Variants in NMNAT2 observed in about 807,000 individuals in gnomAD.
NMNAT2 encodes nicotinamide/nicotinic acid mononucleotide adenylyltransferase 2.
Under a neutral mutation model 41.6 loss-of-function variants are expected in NMNAT2, and 11 were observed. The observed-to-expected ratio is 0.26, with a 90% confidence interval of 0.17 to 0.44. The LOEUF is 0.44. Ranked by LOEUF, NMNAT2 falls within the 20% of genes least tolerant of loss-of-function variation. The probability of loss-of-function intolerance (pLI) is 1.00; values close to 1 mark genes in which losing one functional copy is unlikely to be tolerated. For missense variants in NMNAT2, 288 were observed against 407.7 expected, an observed-to-expected ratio of 0.71 and a Z score of 2.53; for synonymous variants, 148 against 151.2, an observed-to-expected ratio of 0.98 and a Z score of 0.16.
intron 1 of NMNAT2, among the ~76,000 whole-genome samples, chr1:183,319,940 C>T (rs74132315): frequency 0.014 from 2,085 of 152,326 alleles, 38 homozygotes; most frequent in African/African-American, 0.047. Context: ...TTATTCACCA[C>T]TATTAACAGC....
At chr1:183,313,245 T>C (rs1211896186) in intron 1 of NMNAT2, among the ~76,000 whole-genome samples, 2 of 152,150 alleles carry the variant, frequency 1.3e-5, no homozygotes, top group African/African-American at 2.4e-5. Flanking sequence ...AGGACAAACC[T>C]GAAGAATCCA....
chr1:183,349,128 T>A (rs779556801), intron 1 of NMNAT2, among the ~76,000 whole-genome samples: 18 of 152,246 alleles, frequency 1.2e-4, no homozygotes, highest in Non-Finnish European at 2.5e-4. Context: ...TTTCTGGTAT[T>A]CAGAAATAGC....
At chr1:183,275,833 C>T (rs539805726) in intron 8 of NMNAT2, among the ~76,000 whole-genome samples, 41 of 152,200 alleles carry the variant, frequency 2.7e-4, no homozygotes, top group Admixed American at 2.0e-3. Context: ...CCACCACGCC[C>T]AGCTAATTTT....
At chr1:183,270,177 C>T (rs1660948289) in intron 8 of NMNAT2, among the ~76,000 whole-genome samples, 1 of 152,150 alleles carries the variant, frequency 6.6e-6, no homozygotes, top group African/African-American at 2.4e-5. Flanking sequence ...AGCCACTGCA[C>T]CTGGCCTTGA....
chr1:183,287,462 A>T (rs532123771), intron 4 of NMNAT2, among the ~76,000 whole-genome samples: 1 of 152,286 alleles, frequency 6.6e-6, no homozygotes, highest in East Asian at 1.9e-4. Context: ...TCGCCTGCTC[A>T]GTGTGAATAC....
chr1:183,347,819 C>A (rs979379894), intron 1 of NMNAT2, among the ~76,000 whole-genome samples: 1 of 152,146 alleles, frequency 6.6e-6, no homozygotes, highest in Non-Finnish European at 1.5e-5. Context: ...TGTTAGATGG[C>A]CCCTAGTCAT....
intron 1 of NMNAT2, among the ~76,000 whole-genome samples, chr1:183,400,071 G>A (rs1648767042): frequency 6.6e-6 from 1 of 152,158 alleles, no homozygotes; most frequent in Non-Finnish European, 1.5e-5. Flanking sequence ...AGGGCAATCA[G>A]GGAGGAGAAA....
intron 1 of NMNAT2, among the ~76,000 whole-genome samples, chr1:183,381,377 G>T (rs1663800948): frequency 6.6e-6 from 1 of 152,092 alleles, no homozygotes; most frequent in Non-Finnish European, 1.5e-5. Context: ...CAATAATAAT[G>T]GGTACTATTT....
At chr1:183,328,209 G>A (rs556117705) in intron 1 of NMNAT2, among the ~76,000 whole-genome samples, 30 of 152,086 alleles carry the variant, frequency 2.0e-4, no homozygotes, top group East Asian at 7.8e-4. Context: ...ATCAGATGCC[G>A]CAGGCCAGGA....
chr1:183,389,854 GAAAGAAAGAAAGAAA>G lies in NMNAT2; in HGVS notation c.85+28314_85+28328del, dbSNP rs1557897865. Among the ~76,000 whole-genome samples, 125 of 64,338 alleles carry G rather than the reference GAAAGAAAGAAAGAAA, an allele frequency of 1.9e-3. 28 individuals carry two copies. Among genetic ancestry groups the G allele is most frequent in the East Asian group, 0.01 (12 of 1,172 alleles). 42.2% of individuals were successfully genotyped at this position (64,338 alleles called of 152,430 possible). ...AAAGAAAGAAAGAAAGGAAAAAAGA[GAAAGAAAGAAAGAAA>G]GAAGGGAGGGAGGGAGGGAGGGAGG... On this transcript the variant is annotated intron_variant, in intron 1 of 10. Transcript: ENST00000287713.
intron 1 of NMNAT2, among the ~76,000 whole-genome samples, chr1:183,329,957 C>T (rs1276597107): frequency 2.6e-5 from 4 of 152,216 alleles, no homozygotes; most frequent in Non-Finnish European, 5.9e-5. Flanking sequence ...CAGTTCTGTG[C>T]TCCACTCACT....
In NMNAT2 at chr1:183,341,742, A is replaced by AAAT. The variant is rs57061801; in HGVS notation, c.86-47950_86-47949insATT. ...ACAAACACCAAAAAAAAAAAAAAAA[A>AAAT]AAAAACCTGTTTCCTTCACTCCAGG... is the stretch of plus-strand genomic sequence containing the variant. On this transcript the variant is annotated intron_variant, in intron 1 of 10. Coordinates refer to ENST00000287713, the MANE Select transcript of NMNAT2 (RefSeq NM_015039.4). Among the ~76,000 whole-genome samples the AAAT allele has an allele frequency of 2.8e-4, 38 of 137,216 alleles. 2 individuals carry two copies. The highest frequency in any genetic ancestry group is 1.1e-3 in the African/African-American group (38 of 33,494). 90.0% of individuals were successfully genotyped at this position (137,216 alleles called of 152,430 possible). A position where few individuals can be genotyped will look rare whatever the true frequency, so the allele number is the denominator to read the frequency against.
intron 1 of NMNAT2, among the ~76,000 whole-genome samples, chr1:183,410,612 C>G (rs983792025): frequency 1.3e-5 from 2 of 152,094 alleles, no homozygotes; most frequent in Admixed American, 1.3e-4. Flanking sequence ...TTTTCTGGCT[C>G]TCTCATCTGT....
rs144335468 is a variant in NMNAT2, at chr1:183,356,591, C to A, written c.85+61592G>T. Among the ~76,000 whole-genome samples the A allele has an allele frequency of 3.9e-5, 6 of 152,330 alleles. No individual in the cohort carries two copies. In the East Asian group the frequency reaches 1.2e-3, roughly 29 times the overall value. ...GACCTGACTTCCATTAGAACACGGA[C>A]CCCTGTGGATCCTAGTAACGTCATG... On this transcript the variant is annotated intron_variant, in intron 1 of 10. Transcript: ENST00000287713.
chr1:183,342,041 T>A (rs963694919), intron 1 of NMNAT2, among the ~76,000 whole-genome samples: 4 of 132,498 alleles, frequency 3.0e-5, no homozygotes, highest in African/African-American at 8.0e-5. Flanking sequence ...TTTTTTTTTT[T>A]ACCAACCCTT....
intron 1 of NMNAT2, among the ~76,000 whole-genome samples, chr1:183,320,077 T>TA (rs1662327788): frequency 6.6e-6 from 1 of 152,158 alleles, no homozygotes. Flanking sequence ...CTCTAAAAAT[T>TA]AACTCTGAGT....
In NMNAT2 at chr1:183,286,671, G is replaced by T; in HGVS notation, c.439C>A (p.Pro147Thr). The T allele has an allele frequency of 1.2e-6, 2 of 1,609,558 alleles. No homozygotes were observed. The highest frequency in any genetic ancestry group is 1.7e-6 in the Non-Finnish European group (2 of 1,177,902). Residue 147 changes from proline to threonine, a missense_variant, in exon 5 of 11, where the codon CCC becomes ACC. By Grantham distance (38) the Pro-to-Thr change is conservative (BLOSUM62 -1). Coordinates refer to ENST00000287713, the MANE Select transcript of NMNAT2 (RefSeq NM_015039.4). The stretch of plus-strand genomic sequence containing the variant: ...ATCAGTGTTCCCCTACCTGCAGTGG[G>T]CTTGGTGGCCACGTTGCTGTTCTGG... ...IYQNSNVATK[P>T]TAAKILGKVG...
chr1:183,292,895 C>T (rs758856391), intron 2 of NMNAT2, 38 bp from the exon 3 acceptor site: 13 of 1,598,138 alleles, frequency 8.1e-6, no homozygotes, highest in South Asian at 6.6e-5. Context: ...AGACTCCCTC[C>T]GTTCCCCACA....
intron 1 of NMNAT2, among the ~76,000 whole-genome samples, chr1:183,344,450 T>C (rs1662883645): frequency 6.6e-6 from 1 of 152,180 alleles, no homozygotes; most frequent in Non-Finnish European, 1.5e-5. Context: ...GATATCCATA[T>C]AATTGTTTGA....
Sources: allele counts gnomAD v4.1 joint callset (sites outside exome capture counted in the v4.1 genomes callset), GRCh38; gene constraint gnomAD v4.1.1; transcripts MANE v1.5; gene names NCBI Gene and HGNC (gene_info 2026-07-23, HGNC 2026-07-21).